The following PKHD1L1 variants were observed in gnomAD, a reference collection of about 807,000 sequenced individuals.
PKHD1L1 encodes the protein PKHD1 like 1.
A neutral mutation model predicts 462.9 loss-of-function variants in PKHD1L1; 434 were observed. That is an observed-to-expected ratio of 0.94 (90% CI 0.87 to 1.02). PKHD1L1 has a LOEUF of 1.02. Ranked by LOEUF, PKHD1L1 falls within the 50% of genes least tolerant of loss-of-function variation. PKHD1L1 has a pLI of 0.00. For missense variants in PKHD1L1, 5,202 were observed against 5,096.1 expected (o/e 1.02, Z -0.63); for synonymous variants, 1,781 against 1,750.0 (o/e 1.02, Z -0.44).
At chr8:109,510,419 T>C (rs1223908531) in intron 70 of PKHD1L1, among the ~76,000 whole-genome samples, 1 of 152,178 alleles carries the variant, frequency 6.6e-6, no homozygotes, top group Non-Finnish European at 1.5e-5. Flanking sequence ...ATTTTCTTCC[T>C]CACCATGTGG....
intron 56 of PKHD1L1, 58 bp from the exon 57 acceptor site, chr8:109,482,929 C>G: frequency 1.3e-5 from 13 of 1,000,332 alleles, no homozygotes; most frequent in South Asian, 2.1e-5. Context: ...TCATTTTATA[C>G]TAGCACCTAA....
chr8:109,485,482 A>T (rs1818481094), intron 58 of PKHD1L1, among the ~76,000 whole-genome samples: 1 of 151,952 alleles, frequency 6.6e-6, no homozygotes, highest in Non-Finnish European at 1.5e-5. Flanking sequence ...AAATTTGAGG[A>T]TCCTTGATCC....
In PKHD1L1 at chr8:109,440,975, A is replaced by T. The variant is rs779721223; in HGVS notation, c.4099+123A>T. 406 of 1,225,090 alleles carry T rather than the reference A, an allele frequency of 3.3e-4. 1 individual carries two copies. The highest frequency in any genetic ancestry group is 4.4e-4 in the Non-Finnish European group (396 of 890,598). 75.9% of individuals were successfully genotyped at this position (1,225,090 alleles called of 1,614,324 possible). On this transcript the variant is annotated intron_variant, in intron 33 of 77. Coordinates refer to ENST00000378402, the MANE Select transcript of PKHD1L1 (RefSeq NM_177531.6). Reference sequence around the variant, plus strand: ...CTTTATTTTTCTAGTAGCATAAAAAAGGTAAGTGTATTTGGTTAAAGTGAT... The same window carrying T: ...CTTTATTTTTCTAGTAGCATAAAAATGGTAAGTGTATTTGGTTAAAGTGAT...
chr8:109,490,115 A>G (rs1818756777), intron 60 of PKHD1L1, 60 bp downstream of exon 60: 1 of 1,058,622 alleles, frequency 9.4e-7, no homozygotes, highest in East Asian at 2.7e-5. Context: ...TTTTATTTTC[A>G]TTTGACTTCT....
At chr8:109,417,202 TTTGA>T (rs757051239) in intron 21 of PKHD1L1, among the ~76,000 whole-genome samples, 2 of 152,240 alleles carry the variant, frequency 1.3e-5, no homozygotes, top group Non-Finnish European at 2.9e-5. Context: ...TAAAATATAA[TTTGA>T]TTGTTTATAA....
At chr8:109,418,760 T>C (rs140223737) in intron 21 of PKHD1L1, among the ~76,000 whole-genome samples, 136 of 152,338 alleles carry the variant, frequency 8.9e-4, no homozygotes, top group African/African-American at 2.4e-3. Flanking sequence ...ACTCCATTCT[T>C]GTGTCTTGTT....
intron 52 of PKHD1L1, 119 bp from the exon 53 acceptor site, chr8:109,477,106 C>T: frequency 1.2e-6 from 1 of 868,144 alleles, no homozygotes; most frequent in Non-Finnish European, 1.8e-6. Context: ...CTCTTCCATA[C>T]ATGTGAATTA....
chr8:109,386,890 GA>G (rs1474878677), intron 6 of PKHD1L1, among the ~76,000 whole-genome samples: 4 of 152,118 alleles, frequency 2.6e-5, no homozygotes, highest in Non-Finnish European at 4.4e-5. Flanking sequence ...GATTTGGATG[GA>G]AATTATTCCA....
intron 42 of PKHD1L1, 50 bp downstream of exon 42, chr8:109,452,330 A>G: frequency 7.0e-7 from 1 of 1,427,766 alleles, no homozygotes; most frequent in Non-Finnish European, 9.3e-7. Flanking sequence ...AACCAGCATT[A>G]TGGGAGGTGG....
chr8:109,450,892 T>C (rs949214527), intron 40 of PKHD1L1, 83 bp from the exon 41 acceptor site: 2 of 1,294,256 alleles, frequency 1.5e-6, no homozygotes, highest in South Asian at 1.5e-5. Context: ...AAAAGGAAGA[T>C]GTTATTGAAA....
chr8:109,407,912 T>G, intron 17 of PKHD1L1, 137 bp from the exon 18 acceptor site: 1 of 440,180 alleles, frequency 2.3e-6, no homozygotes, highest in Non-Finnish European at 3.4e-6. Context: ...TCTTCCTTCT[T>G]TTCTGATAAT....
chr8:109,478,780 T>A (rs933703955), intron 53 of PKHD1L1, among the ~76,000 whole-genome samples: 3 of 152,174 alleles, frequency 2.0e-5, no homozygotes, highest in African/African-American at 7.2e-5. Context: ...TAAACTACGA[T>A]AAACTACATG....
intron 40 of PKHD1L1, among the ~76,000 whole-genome samples, chr8:109,450,733 C>A (rs1048663041): frequency 5.9e-5 from 9 of 152,176 alleles, no homozygotes; most frequent in Non-Finnish European, 1.3e-4. Context: ...GTAGAATGTT[C>A]TACAGGAAGA....
At chr8:109,481,586 G>A (rs761741959) in intron 56 of PKHD1L1, 24 bp downstream of exon 56, 7 of 1,529,126 alleles carry the variant, frequency 4.6e-6, no homozygotes, top group Non-Finnish European at 6.1e-6. Context: ...GATACCAAAA[G>A]TGTCACATCT....
At chr8:109,404,812 G>A in intron 15 of PKHD1L1, 99 bp downstream of exon 15, 4 of 1,265,572 alleles carry the variant, frequency 3.2e-6, no homozygotes, top group Non-Finnish European at 3.2e-6. Context: ...TGTTTTAGGT[G>A]AAAGCAGTCA....
At chr8:109,425,578 T>A (rs1814704047) in intron 24 of PKHD1L1, among the ~76,000 whole-genome samples, 1 of 152,028 alleles carries the variant, frequency 6.6e-6, no homozygotes, top group Non-Finnish European at 1.5e-5. Context: ...TTTATAACAA[T>A]TTTTTATAGC....
In PKHD1L1 at chr8:109,394,496, T is replaced by C; in HGVS notation, c.811+11T>C. 6.8e-7 allele frequency: 1 copy of C among 1,478,902 alleles called. No homozygotes were observed. The highest frequency in any genetic ancestry group is 9.1e-7 in the Non-Finnish European group (1 of 1,103,416). The allele number at this position is 1,478,902 out of a possible 1,614,324, so 91.6% of individuals were successfully genotyped here. A position where few individuals can be genotyped will look rare whatever the true frequency, so the allele number is the denominator to read the frequency against. On this transcript the variant is annotated intron_variant, in intron 10 of 77. Coordinates refer to ENST00000378402, the MANE Select transcript of PKHD1L1 (RefSeq NM_177531.6). Reference sequence around the variant, plus strand: ...TTCAAACATATGCAGGTATGTGACTTTTCTTTCACTCTGTTGCGGGGGTGG... The same window carrying C: ...TTCAAACATATGCAGGTATGTGACTCTTCTTTCACTCTGTTGCGGGGGTGG...
chr8:109,441,425 T>C, intron 34 of PKHD1L1, 46 bp downstream of exon 34: 1 of 1,035,440 alleles, frequency 9.7e-7, no homozygotes, highest in Non-Finnish European at 1.4e-6. Flanking sequence ...CACTGAAACC[T>C]GAAATTAATT....
intron 73 of PKHD1L1, among the ~76,000 whole-genome samples, chr8:109,519,598 C>T (rs943328170): frequency 2.0e-5 from 3 of 152,120 alleles, no homozygotes; most frequent in African/African-American, 7.2e-5. Flanking sequence ...TCTAGGTGTA[C>T]CCCTCCCCAA....
Sources: gnomAD v4.1 joint callset for allele counts (sites outside exome capture counted in the v4.1 genomes callset) on GRCh38, gnomAD v4.1.1 for gene constraint, MANE v1.5 for transcripts, NCBI Gene and HGNC (gene_info 2026-07-23, HGNC 2026-07-21) for gene names.